Variants in ADGB observed in about 807,000 individuals in gnomAD.
ADGB encodes calpain-7-like protein.
Under a neutral mutation model 210.5 loss-of-function variants are expected in ADGB, and 172 were observed. That is an observed-to-expected ratio of 0.82 (90% CI 0.72 to 0.93). The LOEUF (loss-of-function observed/expected upper bound fraction) is 0.93, where lower values mean the gene tolerates loss of function less well. Among genes scored for constraint, ADGB ranks in the 40% least tolerant of loss-of-function variants. The pLI is 0.00. For missense variants in ADGB, 2,025 were observed against 1,964.8 expected, an observed-to-expected ratio of 1.03 and a Z score of -0.58; for synonymous variants, 658 against 662.7, an observed-to-expected ratio of 0.99 and a Z score of 0.11.
At chr6:146,645,124 T>C (rs1332379967) in intron 3 of ADGB, among the ~76,000 whole-genome samples, 1 of 152,034 alleles carries the variant, frequency 6.6e-6, no homozygotes, top group Non-Finnish European at 1.5e-5. Flanking sequence ...TGCTAACTTA[T>C]AACTTAAAAT....
At chr6:146,751,431 C>T (rs1054824086) in intron 26 of ADGB, among the ~76,000 whole-genome samples, 40 of 152,078 alleles carry the variant, frequency 2.6e-4, no homozygotes, top group South Asian at 6.2e-4. Context: ...AATAGTGCTG[C>T]GGTGAACATA....
intron 13 of ADGB, among the ~76,000 whole-genome samples, chr6:146,704,299 A>AAC (rs563169613): frequency 1.2e-3 from 181 of 151,970 alleles, no homozygotes; most frequent in African/African-American, 4.2e-3. Flanking sequence ...AAAAAAAAAA[A>AAC]AATTTAGTTT....
intron 33 of ADGB, among the ~76,000 whole-genome samples, chr6:146,799,058 C>CAAAAAAAAA (rs71552962): frequency 6.1e-3 from 378 of 61,882 alleles, no homozygotes; most frequent in East Asian, 7.7e-3. Context: ...TATGGAAATG[C>CAAAAAAAAA]AAAAAAAAAA....
At chr6:146,746,384 T>G (rs1189510109) in intron 26 of ADGB, among the ~76,000 whole-genome samples, 1 of 152,140 alleles carries the variant, frequency 6.6e-6, no homozygotes, top group Non-Finnish European at 1.5e-5. Flanking sequence ...CTTACTATTT[T>G]CTTCTTCTTC....
chr6:146,712,184 G>GCT (rs539019467), intron 13 of ADGB, among the ~76,000 whole-genome samples: 2 of 149,898 alleles, frequency 1.3e-5, no homozygotes, highest in African/African-American at 4.9e-5. Flanking sequence ...GTTTTGTTTT[G>GCT]TTTTTTTTTG....
intron 4 of ADGB, among the ~76,000 whole-genome samples, chr6:146,655,583 C>G (rs1295015328): frequency 6.6e-6 from 1 of 152,086 alleles, no homozygotes; most frequent in Non-Finnish European, 1.5e-5. Context: ...AATACTTTTT[C>G]TTATCTTCAA....
rs573210718 is a variant in ADGB at position 146,688,929 on chromosome 6, G to T, written c.1312-2187G>T. ...AGAACTTACATTTATTTAAAGAAGT[G>T]GTAAAAAAGAAAAATACACGAAAAT... On this transcript the variant is annotated intron_variant, in intron 10 of 35. Coordinates refer to ENST00000397944, the MANE Select transcript of ADGB (RefSeq NM_024694.4). Among the ~76,000 whole-genome samples, 4 of 152,084 alleles carry T rather than the reference G, an allele frequency of 2.6e-5. No individual in the cohort carries two copies. In the South Asian group the frequency reaches 8.3e-4, roughly 32 times the overall value.
intron 25 of ADGB, among the ~76,000 whole-genome samples, chr6:146,744,246 G>A (rs144750828): frequency 3.3e-5 from 5 of 152,200 alleles, no homozygotes; most frequent in African/African-American, 4.8e-5. Context: ...ATCTTTGGCC[G>A]ACTAGATAAT....
chr6:146,785,582 T>TA, intron 31 of ADGB, 28 bp from the exon 32 acceptor site: 4 of 1,535,592 alleles, frequency 2.6e-6, no homozygotes, highest in Non-Finnish European at 3.5e-6. Flanking sequence ...GAAGAGCTTT[T>TA]AAAAAGCTGC....
chr6:146,643,887 A>G (rs1775557992), intron 2 of ADGB, among the ~76,000 whole-genome samples: 1 of 151,908 alleles, frequency 6.6e-6, no homozygotes, highest in Admixed American at 6.6e-5. Context: ...TGACAGAAGA[A>G]AAGCCAATCC....
intron 33 of ADGB, among the ~76,000 whole-genome samples, chr6:146,794,718 GA>G (rs1017804887): frequency 6.6e-6 from 1 of 151,870 alleles, no homozygotes; most frequent in Non-Finnish European, 1.5e-5. Context: ...CAATAAACTA[GA>G]AAAAAATTAT....
At chr6:146,648,461 T>C (rs1039883676) in intron 3 of ADGB, among the ~76,000 whole-genome samples, 7 of 152,114 alleles carry the variant, frequency 4.6e-5, no homozygotes, top group Admixed American at 2.6e-4. Context: ...ACAGGAGGCA[T>C]GGCTGGGGAG....
chr6:146,603,271 C>A (rs1780585983), intron 1 of ADGB, among the ~76,000 whole-genome samples: 1 of 152,168 alleles, frequency 6.6e-6, no homozygotes, highest in Non-Finnish European at 1.5e-5. Flanking sequence ...TACAAAGATT[C>A]ATTCACCAAT....
chr6:146,802,837 A>G (rs1268329981), intron 35 of ADGB: 9 of 1,609,604 alleles, frequency 5.6e-6, no homozygotes, highest in Non-Finnish European at 7.6e-6. Context: ...CCTTAGCTAT[A>G]TTACCAGTAT....
chr6:146,613,170 T>C (rs1467687262), intron 1 of ADGB, among the ~76,000 whole-genome samples: 1 of 152,218 alleles, frequency 6.6e-6, no homozygotes, highest in African/African-American at 2.4e-5. Context: ...TCAAGCACGA[T>C]GTATTGAAAA....
intron 1 of ADGB, among the ~76,000 whole-genome samples, chr6:146,602,830 ACTGTGC>A (rs1457835917): frequency 6.6e-5 from 10 of 152,212 alleles, no homozygotes; most frequent in African/African-American, 2.4e-4. Flanking sequence ...CCTATTGTAA[ACTGTGC>A]ATACAAGGGA....
intron 7 of ADGB, among the ~76,000 whole-genome samples, 163 bp downstream of exon 7, chr6:146,667,065 AG>A (rs2114897164): frequency 6.6e-6 from 1 of 152,102 alleles, no homozygotes; most frequent in South Asian, 2.1e-4. Context: ...TGGGAATTTC[AG>A]GGTAAATTCT....
At chr6:146,787,023 A>G (rs895237362) in intron 32 of ADGB, among the ~76,000 whole-genome samples, 1 of 152,134 alleles carries the variant, frequency 6.6e-6, no homozygotes, top group Non-Finnish European at 1.5e-5. Context: ...GAACTTGGTT[A>G]GGTGTCAAGG....
chr6:146,763,927 T>A lies in ADGB; in HGVS notation c.3577T>A (p.Ser1193Thr). 1 of 1,551,056 alleles carries A rather than the reference T, an allele frequency of 6.4e-7. No individual in the cohort carries two copies. The highest frequency in any genetic ancestry group is 8.7e-7 in the Non-Finnish European group (1 of 1,146,686). Residue 1193 changes from serine to threonine, a missense_variant, in exon 28 of 36, where the codon TCT becomes ACT. By Grantham distance (58) the Ser-to-Thr change is moderately conservative (BLOSUM62 1). Coordinates refer to ENST00000397944, the MANE Select transcript of ADGB (RefSeq NM_024694.4). Reference sequence around the variant, plus strand: ...TAGCAAGCACATTCTTTCATTTCACTCTGCATCCAAGAAAGAGCAAGAAGT... The same window carrying A: ...TAGCAAGCACATTCTTTCATTTCACACTGCATCCAAGAAAGAGCAAGAAGT... ...QSSKHILSFHSASKKEQEVYV... is the reference protein window; with the variant it reads ...QSSKHILSFHTASKKEQEVYV...
Sources: gnomAD v4.1 joint callset for allele counts (sites outside exome capture counted in the v4.1 genomes callset) on GRCh38, gnomAD v4.1.1 for gene constraint, MANE v1.5 for transcripts, NCBI Gene and HGNC (gene_info 2026-07-23, HGNC 2026-07-21) for gene names.